The following SMUG1 variants were observed in gnomAD, a reference collection of about 807,000 sequenced individuals.
The protein encoded by SMUG1 is single-strand-selective monofunctional uracil-DNA glycosylase 1.
A neutral mutation model predicts 23.9 loss-of-function variants in SMUG1; 13 were observed. That is an observed-to-expected ratio of 0.54 (90% CI 0.35 to 0.86). SMUG1 has a LOEUF of 0.86. SMUG1 is among the 40% of genes least tolerant of loss of function. SMUG1 has a pLI of 0.01. For missense variants in SMUG1, 313 were observed against 339.5 expected (o/e 0.92, Z 0.61); for synonymous variants, 133 against 139.8 (o/e 0.95, Z 0.34).
At chr12:54,163,129 C>T (rs1269241513), downstream of SMUG1, 1 of 152,210 alleles carries the variant, frequency 6.6e-6, no homozygotes, top group Non-Finnish European at 1.5e-5. Flanking sequence ...GACTTTACAC[C>T]GCAGCAGGCA....
downstream of SMUG1, among the ~76,000 whole-genome samples, chr12:54,175,902 G>A (rs1354912259): frequency 6.6e-6 from 1 of 152,042 alleles, no homozygotes; most frequent in African/African-American, 2.4e-5. Flanking sequence ...AAGCTATCCT[G>A]TATCAGTAAG....
chr12:54,178,688 T>G (rs780007319), downstream of SMUG1, among the ~76,000 whole-genome samples: 8 of 152,208 alleles, frequency 5.3e-5, no homozygotes, highest in Non-Finnish European at 1.2e-4. Flanking sequence ...ATTCTAGCAT[T>G]CAAGACCCTT....
At chr12:54,171,239 A>G (rs1940606735) in intron 3 of SMUG1, among the ~76,000 whole-genome samples, 1 of 150,418 alleles carries the variant, frequency 6.6e-6, no homozygotes, top group Non-Finnish European at 1.5e-5. Flanking sequence ...ACCTCAGGTG[A>G]TCGGCCCACC....
intron 3 of SMUG1, among the ~76,000 whole-genome samples, chr12:54,167,872 TC>T (rs1192130452): frequency 1.3e-5 from 2 of 152,202 alleles, no homozygotes; most frequent in African/African-American, 4.8e-5. Flanking sequence ...AATCCCAACT[TC>T]TTTTATTCAT....
chr12:54,166,376 A>T (rs1158854421), intron 3 of SMUG1, among the ~76,000 whole-genome samples: 1 of 152,078 alleles, frequency 6.6e-6, no homozygotes, highest in Non-Finnish European at 1.5e-5. Flanking sequence ...TAAATAGATA[A>T]ATAAATGTCA....
intron 1 of SMUG1, among the ~76,000 whole-genome samples, chr12:54,188,301 T>TAAAA (rs36056808): frequency 1.7e-5 from 2 of 116,684 alleles, no homozygotes; most frequent in East Asian, 2.4e-4. Context: ...TAATAAATAA[T>TAAAA]AATAATAATA....
Position 54,181,992 on chromosome 12 carries a change from C to T in SMUG1, c.*104G>A. 1 of 1,506,508 alleles carries T rather than the reference C, an allele frequency of 6.6e-7. No individual in the cohort carries two copies. 93.3% of individuals were successfully genotyped at this position (1,506,508 alleles called of 1,614,324 possible). On this transcript the variant is annotated 3_prime_UTR_variant, in exon 4 of 4. Transcript: ENST00000682136. ...AATACGTTTCCCAGCGACCAGGGTGCACAGAAGGACCTTTTGCTCCAGTCC... is the reference window on the plus strand; with the variant it reads ...AATACGTTTCCCAGCGACCAGGGTGTACAGAAGGACCTTTTGCTCCAGTCC...
intron 2 of SMUG1, chr12:54,184,348 A>G (rs887185082): frequency 5.1e-5 from 8 of 158,004 alleles, no homozygotes; most frequent in African/African-American, 1.9e-4. Flanking sequence ...TAAAAAAGAA[A>G]AGCCCAGCCA....
chr12:54,182,489 T>G lies in SMUG1; in HGVS notation c.420A>C (p.Arg140=), dbSNP rs759602126. The G allele has an allele frequency of 1.8e-5, 29 of 1,613,922 alleles. No homozygotes were observed. The highest frequency in any genetic ancestry group is 2.3e-5 in the Non-Finnish European group (27 of 1,179,992). ...ECPQSEVSGA[R]FWGFFRNLCG... ...AGAGGTTCCGGAAAAAGCCCCAGAA[T>G]CGGGCACCACTCACTTCTGACTGTG... is the stretch of plus-strand genomic sequence containing the variant. The change falls in exon 4 of 4, where the codon CGA becomes CGC. Residue 140 remains arginine (R), a synonymous_variant. Coordinates refer to ENST00000682136, the MANE Select transcript of SMUG1 (RefSeq NM_001243787.2).
chr12:54,165,463 G>C (rs1381559072), exon 4 of SMUG1: 2 of 152,184 alleles, frequency 1.3e-5, no homozygotes, highest in Non-Finnish European at 2.9e-5. Flanking sequence ...CTTCAGCCCA[G>C]GAGTTCCAGA....
At chr12:54,178,237 C>T (rs1296624887), downstream of SMUG1, among the ~76,000 whole-genome samples, 1 of 152,102 alleles carries the variant, frequency 6.6e-6, no homozygotes, top group East Asian at 1.9e-4. Flanking sequence ...CATGGCAGCC[C>T]TAGCAGTGTA....
intron 2 of SMUG1, 40 bp from the exon 3 acceptor site, chr12:54,183,999 C>T (rs1941753262): frequency 6.9e-7 from 1 of 1,439,346 alleles, no homozygotes; most frequent in Non-Finnish European, 9.1e-7. Flanking sequence ...CAACCCTCAG[C>T]CACAGAGTAG....
At chr12:54,168,471 GTAC>G (rs1940540432) in intron 3 of SMUG1, 2 of 152,212 alleles carry the variant, frequency 1.3e-5, no homozygotes, top group African/African-American at 4.8e-5. Context: ...TGATTTTTAT[GTAC>G]ATTAAAGTTT....
chr12:54,174,805 C>G (rs1940713551), intron 2 of SMUG1, among the ~76,000 whole-genome samples: 1 of 152,174 alleles, frequency 6.6e-6, no homozygotes, highest in Non-Finnish European at 1.5e-5. Context: ...GAAGAATGGA[C>G]AAGATGTACA....
downstream of SMUG1, among the ~76,000 whole-genome samples, chr12:54,163,870 A>G (rs2136530441): frequency 6.6e-6 from 1 of 152,364 alleles, no homozygotes; most frequent in East Asian, 1.9e-4. Flanking sequence ...GTAAGTGTTC[A>G]TTAAATTTTA....
Position 54,182,193 on chromosome 12 carries a change from T to C in SMUG1, c.716A>G (p.His239Arg), listed in dbSNP as rs1175029278. 7.4e-6 allele frequency: 12 copies of C among 1,611,222 alleles called. No homozygotes were observed. In the South Asian group the frequency reaches 1.3e-4, roughly 18 times the overall value. The change falls in exon 4 of 4, where the codon CAT (histidine) becomes CGT (arginine). Residue 239 changes from histidine (H) to arginine (R), a missense_variant. Transcript: ENST00000682136. Reference protein sequence around the residue: ...MPEVQVEGLLHPSPRNPQANK... With the variant: ...MPEVQVEGLLRPSPRNPQANK... The stretch of plus-strand genomic sequence containing the variant: ...GGCCTGTGGGTTACGGGGAGAGGGA[T>C]GCAGGAGCCCTTCCACCTGGACCTC...
chr12:54,162,925 C>T (rs1421088772), downstream of SMUG1: 1 of 152,210 alleles, frequency 6.6e-6, no homozygotes, highest in East Asian at 1.9e-4. Context: ...CAGCTAAATC[C>T]CCCAGCCATA....
chr12:54,182,137 T>G lies in SMUG1; in HGVS notation c.772A>C (p.Arg258=). 3 of 1,570,744 alleles carry G rather than the reference T, an allele frequency of 1.9e-6. No homozygotes were observed. The highest frequency in any genetic ancestry group is 2.6e-6 in the Non-Finnish European group (3 of 1,157,222). The change falls in exon 4 of 4, where the codon AGA becomes CGA. Residue 258 remains arginine, a synonymous_variant. Transcript: ENST00000682136. ...GGCAGCAGCCCCAGCTCATTCAATC[T>G]TTCCTTGGCCACTGCCTCCCAGCCC... The part of the protein sequence containing the change: ...NKGWEAVAKE[R]LNELGLLPLL...
chr12:54,160,795 C>G (rs1476534733), downstream of SMUG1, among the ~76,000 whole-genome samples: 1 of 152,242 alleles, frequency 6.6e-6, no homozygotes, highest in Non-Finnish European at 1.5e-5. Flanking sequence ...AGAATCCCGA[C>G]TCTAGTCAAG....
Sources: gnomAD v4.1 joint callset for allele counts (sites outside exome capture counted in the v4.1 genomes callset) on GRCh38, gnomAD v4.1.1 for gene constraint, MANE v1.5 for transcripts, NCBI Gene and HGNC (gene_info 2026-07-23, HGNC 2026-07-21) for gene names.